CLYBL: variants seen among roughly 807,000 people sequenced by gnomAD.
The protein encoded by CLYBL is citramalyl-CoA lyase.
In CLYBL, 31 loss-of-function variants were observed where a neutral mutation model predicts 38.9. The observed-to-expected ratio is 0.80, with a 90% CI of 0.60 to 1.08. The LOEUF (loss-of-function observed/expected upper bound fraction) is 1.08. CLYBL is among the 50% of genes least tolerant of loss of function. The probability of loss-of-function intolerance (pLI) is 0.00; values close to 1 mark genes in which losing one functional copy is unlikely to be tolerated. For missense variants in CLYBL, 434 were observed against 411.6 expected, an observed-to-expected ratio of 1.05 and a Z score of -0.47; for synonymous variants, 171 against 158.6, an observed-to-expected ratio of 1.08 and a Z score of -0.59.
intron 2 of CLYBL, among the ~76,000 whole-genome samples, chr13:99,853,433 G>A (rs1594223735): frequency 6.6e-6 from 1 of 152,296 alleles, no homozygotes; most frequent in East Asian, 1.9e-4. Context: ...AGGGTGCCTG[G>A]CATGTAACGC....
At chr13:99,802,959 C>T (rs1788623246) in intron 2 of CLYBL, among the ~76,000 whole-genome samples, 1 of 152,168 alleles carries the variant, frequency 6.6e-6, no homozygotes, top group South Asian at 2.1e-4. Context: ...GTGTATATTG[C>T]CAGCACCCAA....
intron 7 of CLYBL, among the ~76,000 whole-genome samples, chr13:99,877,886 T>A (rs2052092390): frequency 6.6e-6 from 1 of 152,160 alleles, no homozygotes; most frequent in African/African-American, 2.4e-5. Context: ...ATTTTGTAGT[T>A]CTTTTTATAC....
intron 2 of CLYBL, among the ~76,000 whole-genome samples, chr13:99,796,113 A>G (rs1296077673): frequency 6.6e-6 from 1 of 152,236 alleles, no homozygotes; most frequent in Admixed American, 6.5e-5. Context: ...TGGTCAAGAC[A>G]TAAGAGGATT....
intron 2 of CLYBL, among the ~76,000 whole-genome samples, chr13:99,840,544 G>A (rs541501337): frequency 2.0e-5 from 3 of 152,002 alleles, no homozygotes; most frequent in Non-Finnish European, 4.4e-5. Flanking sequence ...AATTGCTTGG[G>A]CACAAGAGTT....
At chr13:99,872,891 C>T (rs905028300) in intron 7 of CLYBL, among the ~76,000 whole-genome samples, 59 of 151,950 alleles carry the variant, frequency 3.9e-4, no homozygotes, top group African/African-American at 1.4e-3. Flanking sequence ...GGAAAACGCT[C>T]CCAAAGTTTT....
At chr13:99,858,815 C>T (rs1566356797) in intron 2 of CLYBL, 46 bp from the exon 3 acceptor site, 2 of 1,389,272 alleles carry the variant, frequency 1.4e-6, no homozygotes, top group East Asian at 4.7e-5. Context: ...ATGGTGCTCC[C>T]CTCAATGATA....
At chr13:99,648,905 G>GAT (rs1491577280) in intron 1 of CLYBL, among the ~76,000 whole-genome samples, 1 of 150,376 alleles carries the variant, frequency 6.6e-6, no homozygotes, top group East Asian at 1.9e-4. Flanking sequence ...TGAACATAAG[G>GAT]ATATATATAT....
chr13:99,693,896 T>C (rs2047942906), intron 1 of CLYBL, among the ~76,000 whole-genome samples: 1 of 152,232 alleles, frequency 6.6e-6, no homozygotes, highest in Non-Finnish European at 1.5e-5. Context: ...AGGTTGGATT[T>C]AAGAGAGAGC....
At chr13:99,642,801 C>T (rs1313160812) in intron 1 of CLYBL, among the ~76,000 whole-genome samples, 1 of 150,464 alleles carries the variant, frequency 6.6e-6, no homozygotes, top group Non-Finnish European at 1.5e-5. Flanking sequence ...TCCTGTTGCT[C>T]AGGCTGGAGT....
intron 1 of CLYBL, among the ~76,000 whole-genome samples, chr13:99,645,757 A>G (rs759995733): frequency 1.3e-5 from 2 of 152,060 alleles, no homozygotes; most frequent in Non-Finnish European, 2.9e-5. Flanking sequence ...GATGGTTTGC[A>G]AATATTTTTC....
At chr13:99,702,346 C>T (rs2048079263) in intron 1 of CLYBL, among the ~76,000 whole-genome samples, 1 of 151,974 alleles carries the variant, frequency 6.6e-6, no homozygotes, top group Non-Finnish European at 1.5e-5. Flanking sequence ...AAAATTGGCT[C>T]ACAGCCGGGC....
intron 2 of CLYBL, among the ~76,000 whole-genome samples, chr13:99,848,076 C>T (rs1453917411): frequency 6.6e-6 from 1 of 152,182 alleles, no homozygotes; most frequent in African/African-American, 2.4e-5. Flanking sequence ...CGCTGCCCTG[C>T]TGCTGTCCTT....
At position 99,844,809 on chromosome 13, in the gene CLYBL, G is replaced by A. The variant is rs146947867; in HGVS notation, c.250-14052G>A. Among the ~76,000 whole-genome samples, 1,161 of 152,314 alleles carry A rather than the reference G, an allele frequency of 7.6e-3. 11 individuals are homozygous for A. Among genetic ancestry groups the A allele is most frequent in the African/African-American group, 0.026 (1,089 of 41,554 alleles). ...TGAAAGTCTTCCCCATAGCCTGAGA[G>A]CTGACACCTAGCGCGTGGGCATTCA... is the stretch of plus-strand genomic sequence containing the variant. On this transcript the variant is annotated intron_variant, in intron 2 of 8. Transcript: ENST00000339105.
intron 2 of CLYBL, among the ~76,000 whole-genome samples, chr13:99,833,901 T>C (rs1048353635): frequency 4.0e-5 from 6 of 151,392 alleles, no homozygotes; most frequent in Non-Finnish European, 8.9e-5. Flanking sequence ...GGGGTTTCAC[T>C]GTGTTGGCCA....
At chr13:99,732,645 T>C (rs1004601499) in intron 1 of CLYBL, among the ~76,000 whole-genome samples, 3 of 152,198 alleles carry the variant, frequency 2.0e-5, no homozygotes, top group Non-Finnish European at 2.9e-5. Flanking sequence ...TCAGGGAACA[T>C]ACCTATTAAC....
At chr13:99,764,873 G>T (rs2049237438) in intron 1 of CLYBL, among the ~76,000 whole-genome samples, 1 of 150,764 alleles carries the variant, frequency 6.6e-6, no homozygotes, top group African/African-American at 2.4e-5. Flanking sequence ...TAAAGATGGG[G>T]TCTCACAGGT....
intron 1 of CLYBL, among the ~76,000 whole-genome samples, chr13:99,659,094 A>G (rs1280273055): frequency 6.6e-6 from 1 of 152,140 alleles, no homozygotes; most frequent in East Asian, 1.9e-4. Context: ...CCTAAACATA[A>G]CCAATATTTA....
At chr13:99,662,989 T>C (rs2047431357) in intron 1 of CLYBL, among the ~76,000 whole-genome samples, 1 of 152,196 alleles carries the variant, frequency 6.6e-6, no homozygotes, top group Non-Finnish European at 1.5e-5. Flanking sequence ...ACACTAAATA[T>C]GTTCTTCAAG....
chr13:99,606,941 C>T (rs1438297413), intron 1 of CLYBL, among the ~76,000 whole-genome samples, 184 bp downstream of exon 1: 2 of 152,228 alleles, frequency 1.3e-5, no homozygotes, highest in African/African-American at 4.8e-5. Context: ...CCGCGCCTCC[C>T]TTTGGGAGGG....
Sources: gnomAD v4.1 joint callset for allele counts (sites outside exome capture counted in the v4.1 genomes callset) on GRCh38, gnomAD v4.1.1 for gene constraint, MANE v1.5 for transcripts, NCBI Gene and HGNC (gene_info 2026-07-23, HGNC 2026-07-21) for gene names.